The following RORA variants were observed in gnomAD, a reference collection of about 807,000 sequenced individuals.
RORA encodes nuclear receptor ROR-alpha.
In RORA, 7 loss-of-function variants were observed where a neutral mutation model predicts 69.5. That is an observed-to-expected ratio of 0.10 (90% CI 0.06 to 0.19). RORA has a LOEUF of 0.19. Among genes scored for constraint, RORA ranks in the 10% least tolerant of loss-of-function variants. The pLI, the probability that RORA is intolerant of heterozygous loss-of-function variation, is 1.00. For synonymous variants in RORA, 261 were observed against 240.8 expected (o/e 1.08, Z -0.78); for missense variants, 457 against 663.0 (o/e 0.69, Z 3.41).
intron 1 of RORA, among the ~76,000 whole-genome samples, chr15:60,909,353 G>A (rs1891634398): frequency 6.6e-6 from 1 of 152,170 alleles, no homozygotes; most frequent in Non-Finnish European, 1.5e-5. Context: ...ACAAAGCCTG[G>A]CACCCCATGT....
chr15:61,179,124 G>A (rs2079658482), intron 1 of RORA, among the ~76,000 whole-genome samples: 1 of 152,270 alleles, frequency 6.6e-6, no homozygotes, highest in East Asian at 1.9e-4. Context: ...TTCTTTTCAA[G>A]GCACCTCCAG....
intron 1 of RORA, among the ~76,000 whole-genome samples, chr15:61,222,746 G>A (rs1472546571): frequency 3.9e-5 from 6 of 152,090 alleles, no homozygotes; most frequent in African/African-American, 7.2e-5. Flanking sequence ...TTCCATATTC[G>A]TCCAGTGAAA....
At chr15:60,746,548 A>T (rs556317759) in intron 1 of RORA, among the ~76,000 whole-genome samples, 1 of 152,350 alleles carries the variant, frequency 6.6e-6, no homozygotes, top group South Asian at 2.1e-4. Context: ...ACTACCTGTG[A>T]TCAATGATGC....
At chr15:61,151,339 T>C (rs2079396258) in intron 1 of RORA, among the ~76,000 whole-genome samples, 1 of 152,210 alleles carries the variant, frequency 6.6e-6, no homozygotes, top group Admixed American at 6.5e-5. Flanking sequence ...TTAAGCGCAA[T>C]GTTGTACACT....
intron 1 of RORA, among the ~76,000 whole-genome samples, chr15:61,190,699 A>C (rs1402771229): frequency 6.6e-6 from 1 of 152,212 alleles, no homozygotes; most frequent in African/African-American, 2.4e-5. Flanking sequence ...AGTGAGCCAA[A>C]ATGGCACCAC....
chr15:61,229,127 A>T lies in RORA; in HGVS notation c.92T>A (p.Leu31Gln). ...DAAAGSRETP[L>Q]NQESARKSEP... ...GCTCTTGCGGGCGGATTCCTGGTTC[A>T]GCGGGGTCTCCCTGGAGCCGGCGGC... Residue 31 changes from leucine (L) to glutamine (Q), a missense_variant, in exon 1 of 11, where the codon CTG (leucine) becomes CAG (glutamine). Leu to Gln is a moderately radical substitution (Grantham distance 113, BLOSUM62 -2). Coordinates refer to ENST00000335670, the MANE Select transcript of RORA (RefSeq NM_134261.3). 1.3e-6 allele frequency: 2 copies of T among 1,542,504 alleles called. No homozygotes were observed. The highest frequency in any genetic ancestry group is 1.7e-6 in the Non-Finnish European group (2 of 1,144,670).
At chr15:61,066,674 C>A (rs935194273) in intron 1 of RORA, among the ~76,000 whole-genome samples, 5 of 151,684 alleles carry the variant, frequency 3.3e-5, no homozygotes, top group Non-Finnish European at 5.9e-5. Flanking sequence ...GTGATCCACC[C>A]ACCTTGGCCT....
At chr15:60,985,990 T>G (rs542389234) in intron 1 of RORA, among the ~76,000 whole-genome samples, 2 of 152,194 alleles carry the variant, frequency 1.3e-5, no homozygotes, top group Non-Finnish European at 2.9e-5. Context: ...CGGATCCGAA[T>G]CAAGTTACTT....
chr15:60,799,339 G>T (rs1393267470), intron 1 of RORA, among the ~76,000 whole-genome samples: 1 of 152,146 alleles, frequency 6.6e-6, no homozygotes, highest in Non-Finnish European at 1.5e-5. Context: ...TTCACTTGGG[G>T]TCTGGGGGCC....
chr15:61,108,934 C>T (rs928222354), intron 1 of RORA, among the ~76,000 whole-genome samples: 8 of 152,142 alleles, frequency 5.3e-5, no homozygotes, highest in African/African-American at 1.9e-4. Flanking sequence ...CACCGTGGCT[C>T]ACACCTGTAA....
chr15:60,817,464 G>A (rs1262301428), intron 1 of RORA, among the ~76,000 whole-genome samples: 1 of 152,142 alleles, frequency 6.6e-6, no homozygotes, highest in Non-Finnish European at 1.5e-5. Flanking sequence ...TCTGTAAAGC[G>A]GTGCAATAAG....
chr15:61,004,469 C>A (rs1225197548), intron 1 of RORA, among the ~76,000 whole-genome samples: 1 of 151,506 alleles, frequency 6.6e-6, no homozygotes, highest in Non-Finnish European at 1.5e-5. Flanking sequence ...TCCCAAGGCA[C>A]ATGGGGGCAG....
At chr15:60,579,691 G>C (rs1180152183) in intron 2 of RORA, among the ~76,000 whole-genome samples, 1 of 152,066 alleles carries the variant, frequency 6.6e-6, no homozygotes, top group South Asian at 2.1e-4. Flanking sequence ...TTTCACTTTG[G>C]GGGTATTTTG....
intron 1 of RORA, among the ~76,000 whole-genome samples, chr15:60,786,796 C>T (rs1198834988): frequency 6.6e-6 from 1 of 152,142 alleles, no homozygotes; most frequent in Non-Finnish European, 1.5e-5. Flanking sequence ...CTCCCTGATG[C>T]TCACCCGACT....
At chr15:61,217,068 T>C (rs1224589206) in intron 1 of RORA, among the ~76,000 whole-genome samples, 2 of 152,108 alleles carry the variant, frequency 1.3e-5, no homozygotes, top group Non-Finnish European at 2.9e-5. Context: ...CCATTGGAAA[T>C]ATAAGACAGC....
At chr15:61,000,510 G>A (rs1477780877) in intron 1 of RORA, among the ~76,000 whole-genome samples, 2 of 152,180 alleles carry the variant, frequency 1.3e-5, no homozygotes, top group African/African-American at 4.8e-5. Context: ...CTTGTCCAGG[G>A]AGCATGCCTG....
At chr15:61,173,068 T>G (rs1218487431) in intron 1 of RORA, among the ~76,000 whole-genome samples, 1 of 152,204 alleles carries the variant, frequency 6.6e-6, no homozygotes, top group Non-Finnish European at 1.5e-5. Flanking sequence ...TATTTTTCCT[T>G]TTCCATCTCT....
Position 60,826,886 on chromosome 15 carries a change from A to T in RORA, c.167-148200T>A, listed in dbSNP as rs192537420. 8.9e-3 allele frequency among the ~76,000 whole-genome samples: 1,356 copies of T among 152,156 alleles called. 24 individuals carry two copies. Among genetic ancestry groups the T allele is most frequent in the Admixed American group, 0.037 (565 of 15,288 alleles). On this transcript the variant is annotated intron_variant, in intron 1 of 10. Coordinates refer to ENST00000335670, the MANE Select transcript of RORA (RefSeq NM_134261.3). Reference sequence around the variant, plus strand: ...AGGTTTAGTTCCTAAACCCTAAGACAATCTCAGAAAGGGAAAGGTATATAA... The same window carrying T: ...AGGTTTAGTTCCTAAACCCTAAGACTATCTCAGAAAGGGAAAGGTATATAA...
chr15:61,200,994 A>G (rs1596068151), intron 1 of RORA, among the ~76,000 whole-genome samples: 1 of 152,342 alleles, frequency 6.6e-6, no homozygotes, highest in East Asian at 1.9e-4. Flanking sequence ...AGAAGACTAC[A>G]TATTTTTCCA....
Sources: allele counts gnomAD v4.1 joint callset (sites outside exome capture counted in the v4.1 genomes callset), GRCh38; gene constraint gnomAD v4.1.1; transcripts MANE v1.5; gene names NCBI Gene and HGNC (gene_info 2026-07-23, HGNC 2026-07-21).